COL4A5: variants seen among roughly 807,000 people sequenced by gnomAD.
COL4A5 encodes the protein collagen alpha-5(IV) chain.
Under a neutral mutation model 130.2 loss-of-function variants are expected in COL4A5, and 26 were observed. The observed-to-expected ratio is 0.20, with a 90% CI of 0.15 to 0.28. COL4A5 has a LOEUF of 0.28. Among genes scored for constraint, COL4A5 ranks in the 10% least tolerant of loss-of-function variants. The pLI, the probability that COL4A5 is intolerant of heterozygous loss-of-function variation, is 1.00. For missense variants in COL4A5, 1,131 were observed against 1,344.3 expected, an observed-to-expected ratio of 0.84 and a Z score of 2.48; for synonymous variants, 496 against 439.6, an observed-to-expected ratio of 1.13 and a Z score of -1.60.
rs1353323625 is a variant in COL4A5 at position 108,670,237 on chromosome X, G to T, written c.3799+1G>T. 2 of 1,210,503 alleles carry T rather than the reference G, an allele frequency of 1.7e-6. No individual in the cohort carries two copies. Among genetic ancestry groups the T allele is most frequent in the Admixed American group, 2.2e-5 (1 of 45,977 alleles). On this transcript the variant is annotated splice_donor_variant, in intron 42 of 52. Coordinates refer to ENST00000328300, the MANE Select transcript of COL4A5 (RefSeq NM_033380.3). LOFTEE classifies it high-confidence loss of function. ...TTTGATCCCTATCCAGGTCCTACAGGTTAGCTCCTTAACTCCAAAGTAGTA... is the reference window on the plus strand; with the variant it reads ...TTTGATCCCTATCCAGGTCCTACAGTTTAGCTCCTTAACTCCAAAGTAGTA...
At chrX:108,485,061 C>A (rs2064931080) in intron 1 of COL4A5, among the ~76,000 whole-genome samples, 1 of 112,074 alleles carries the variant, frequency 8.9e-6, no homozygotes, top group African/African-American at 3.3e-5. Context: ...GGCAGAGGAG[C>A]CTCACCTCAT....
intron 30 of COL4A5, among the ~76,000 whole-genome samples, chrX:108,619,904 G>A (rs1036575064): frequency 1.8e-5 from 2 of 112,329 alleles, no homozygotes; most frequent in East Asian, 2.8e-4. Flanking sequence ...AATTGTATCT[G>A]TTGAATATAA....
chrX:108,582,779 C>T, intron 16 of COL4A5, 105 bp from the exon 17 acceptor site: 2 of 580,924 alleles, frequency 3.4e-6, no homozygotes. Context: ...TTCTGACTGA[C>T]CATTTTTGCC....
chrX:108,598,851 A>G lies in COL4A5; in HGVS notation c.1929A>G (p.Pro643=). ...EKGIQGVAGN[P]GQPGIPGPKG... The stretch of plus-strand genomic sequence containing the variant: ...GCATACAAGGTGTGGCAGGAAATCC[A>G]GGCCAGCCAGGAATACCAGGTAAGT... The change falls in exon 25 of 53, where the codon CCA becomes CCG. Residue 643 remains proline, a synonymous_variant. Transcript: ENST00000328300. 2.5e-6 allele frequency: 3 copies of G among 1,211,343 alleles called. No homozygotes were observed. The highest frequency in any genetic ancestry group is 2.2e-6 in the Non-Finnish European group (2 of 895,261).
chrX:108,501,998 G>A (rs2065083996), intron 1 of COL4A5, among the ~76,000 whole-genome samples: 1 of 112,147 alleles, frequency 8.9e-6, no homozygotes, highest in Non-Finnish European at 1.9e-5. Context: ...CAGATGTACA[G>A]TAAACATAGA....
At chrX:108,551,258 T>C (rs1056407647) in intron 2 of COL4A5, among the ~76,000 whole-genome samples, 1 of 111,338 alleles carries the variant, frequency 9.0e-6, no homozygotes, top group Admixed American at 9.6e-5. Flanking sequence ...AACAAAGATC[T>C]AATATCCAGA....
At chrX:108,564,834 C>T (rs1212637919) in intron 4 of COL4A5, among the ~76,000 whole-genome samples, 1 of 111,596 alleles carries the variant, frequency 9.0e-6, no homozygotes, top group African/African-American at 3.3e-5. Flanking sequence ...CATAATTTTA[C>T]AAACATTAAA....
chrX:108,618,168 C>T (rs759630288), intron 30 of COL4A5, among the ~76,000 whole-genome samples: 4 of 110,968 alleles, frequency 3.6e-5, no homozygotes, highest in South Asian at 7.6e-4. Context: ...GGAAATTTAG[C>T]GGAACTTTGG....
chrX:108,499,111 G>T (rs1256836386), intron 1 of COL4A5, among the ~76,000 whole-genome samples: 2 of 111,502 alleles, frequency 1.8e-5, no homozygotes, highest in Non-Finnish European at 1.9e-5. Context: ...TCACTATTAA[G>T]TATTATGCAA....
At chrX:108,629,597 C>G (rs1280356191) in intron 36 of COL4A5, among the ~76,000 whole-genome samples, 2 of 111,460 alleles carry the variant, frequency 1.8e-5, no homozygotes, top group Non-Finnish European at 3.8e-5. Context: ...TGCTGAAATA[C>G]AAAAACTTTG....
intron 44 of COL4A5, among the ~76,000 whole-genome samples, chrX:108,680,083 G>A (rs1295340471): frequency 8.9e-6 from 1 of 112,147 alleles, no homozygotes; most frequent in African/African-American, 3.2e-5. Context: ...TGCAAATGAA[G>A]GATTCAGACT....
At chrX:108,564,756 G>T (rs1316915740) in intron 4 of COL4A5, among the ~76,000 whole-genome samples, 2 of 111,783 alleles carry the variant, frequency 1.8e-5, no homozygotes, top group Admixed American at 9.5e-5. Flanking sequence ...AAAATATATA[G>T]TTGGTGACAT....
At chrX:108,615,124 A>G in intron 30 of COL4A5, 100 bp downstream of exon 30, 1 of 595,806 alleles carries the variant, frequency 1.7e-6, no homozygotes, top group Non-Finnish European at 2.8e-6. Context: ...CCAGAAGCAG[A>G]CTTAAAAGGC....
chrX:108,545,955 T>G (rs895433104), intron 2 of COL4A5, among the ~76,000 whole-genome samples: 2 of 111,782 alleles, frequency 1.8e-5, no homozygotes, highest in African/African-American at 6.5e-5. Flanking sequence ...GTTTTCCATT[T>G]GCTTGGAAGA....
At chrX:108,499,792 CTGTG>C (rs1242617976) in intron 1 of COL4A5, among the ~76,000 whole-genome samples, 1 of 111,597 alleles carries the variant, frequency 9.0e-6, no homozygotes, top group Middle Eastern at 4.3e-3. Context: ...AAACATACGT[CTGTG>C]TGTATGTGTG....
intron 1 of COL4A5, among the ~76,000 whole-genome samples, chrX:108,539,019 A>C (rs2147654981): frequency 9.0e-6 from 1 of 111,672 alleles, no homozygotes; most frequent in East Asian, 2.8e-4. Flanking sequence ...AGGAGCAAAG[A>C]AAAGAAAGAA....
At chrX:108,565,792 A>T (rs1337668623) in intron 4 of COL4A5, among the ~76,000 whole-genome samples, 2 of 111,580 alleles carry the variant, frequency 1.8e-5, no homozygotes, top group East Asian at 5.6e-4. Context: ...TGCAAATTTC[A>T]CGTTGCCTTG....
At chrX:108,491,902 T>C (rs1261641597) in intron 1 of COL4A5, among the ~76,000 whole-genome samples, 2 of 111,709 alleles carry the variant, frequency 1.8e-5, no homozygotes, top group Non-Finnish European at 3.8e-5. Context: ...GAGAGATTTG[T>C]GAAAACATTT....
At chrX:108,515,272 G>A (rs780538640) in intron 1 of COL4A5, among the ~76,000 whole-genome samples, 1 of 111,567 alleles carries the variant, frequency 9.0e-6, no homozygotes, top group East Asian at 2.8e-4. Flanking sequence ...GTTTTCTACT[G>A]TTGTGGTTAG....
Sources: gnomAD v4.1 joint callset for allele counts (sites outside exome capture counted in the v4.1 genomes callset) on GRCh38, gnomAD v4.1.1 for gene constraint, MANE v1.5 for transcripts, NCBI Gene and HGNC (gene_info 2026-07-23, HGNC 2026-07-21) for gene names.